The following SPAG16 variants were observed in gnomAD, a reference collection of about 807,000 sequenced individuals.
The protein encoded by SPAG16 is sperm associated antigen 16.
Under a neutral mutation model 80.4 loss-of-function variants are expected in SPAG16, and 86 were observed. That is an observed-to-expected ratio of 1.07 (90% CI 0.90 to 1.28). The LOEUF (loss-of-function observed/expected upper bound fraction) is 1.28, where lower values mean the gene tolerates loss of function less well. Among genes scored for constraint, SPAG16 ranks in the 50% most tolerant of loss-of-function variants. The pLI, the probability that SPAG16 is intolerant of heterozygous loss-of-function variation, is 0.00. For synonymous variants in SPAG16, 294 were observed against 265.9 expected (o/e 1.11, Z -1.03); for missense variants, 870 against 765.3 (o/e 1.14, Z -1.61).
chr2:214,381,381 T>G (rs1372082462), intron 15 of SPAG16, among the ~76,000 whole-genome samples: 1 of 152,194 alleles, frequency 6.6e-6, no homozygotes, highest in Non-Finnish European at 1.5e-5. Context: ...GGGCAAGTTC[T>G]TTCTGCATAG....
At chr2:214,157,182 C>T (rs1223758097) in intron 15 of SPAG16, among the ~76,000 whole-genome samples, 8 of 152,110 alleles carry the variant, frequency 5.3e-5, no homozygotes, top group African/African-American at 1.9e-4. Context: ...ATGAGGTATG[C>T]TATGCTCCAG....
chr2:213,296,069 A>G lies in SPAG16; in HGVS notation c.142A>G (p.Thr48Ala), dbSNP rs770627976. Residue 48 changes from threonine to alanine, a missense_variant, in exon 2 of 16, where the codon ACC becomes GCC. Thr to Ala is a moderately conservative substitution (Grantham distance 58). Coordinates refer to ENST00000331683, the MANE Select transcript of SPAG16 (RefSeq NM_024532.5). ...AEGAYYLEQV[T>A]ITEASEDDYE... ...AAACTTGACAAGATATTCAGAGGTC[A>G]CCATAACTGAAGCATCTGAAGATGA... 13 of 1,609,986 alleles carry G rather than the reference A, an allele frequency of 8.1e-6. No homozygotes were observed. In the South Asian group the frequency reaches 1.3e-4, roughly 16 times the overall value.
rs568042318 is a variant in SPAG16 at position 213,468,487 on chromosome 2, A to ATATC, written c.943-21473_943-21472insCTAT. Among the ~76,000 whole-genome samples the ATATC allele has an allele frequency of 1.9e-3, 203 of 104,496 alleles. 3 individuals carry two copies. Among genetic ancestry groups the ATATC allele is most frequent in the African/African-American group, 9.6e-3 (186 of 19,342 alleles). 68.6% of individuals were successfully genotyped at this position (104,496 alleles called of 152,430 possible). On this transcript the variant is annotated intron_variant, in intron 9 of 15. Transcript: ENST00000331683. ...TCTATGTATTTATATATAGATATAT[A>ATATC]TATGTATTTATATATAGATATATAT...
At chr2:214,298,233 A>C (rs1694300795) in intron 15 of SPAG16, among the ~76,000 whole-genome samples, 1 of 151,724 alleles carries the variant, frequency 6.6e-6, no homozygotes, top group African/African-American at 2.4e-5. Flanking sequence ...CTTAGTTCTC[A>C]GCTTGAATGT....
intron 15 of SPAG16, among the ~76,000 whole-genome samples, chr2:214,199,823 G>A (rs1036380045): frequency 2.6e-5 from 4 of 152,024 alleles, no homozygotes; most frequent in Admixed American, 2.0e-4. Flanking sequence ...CACCTCCTTG[G>A]TTAAGTATAT....
intron 9 of SPAG16, among the ~76,000 whole-genome samples, chr2:213,483,791 T>G (rs1214042827): frequency 1.3e-5 from 2 of 152,212 alleles, no homozygotes; most frequent in African/African-American, 2.4e-5. Context: ...AAATAGGCAC[T>G]TACTTAACTT....
At chr2:213,434,973 G>T (rs929037585) in intron 9 of SPAG16, among the ~76,000 whole-genome samples, 14 of 152,188 alleles carry the variant, frequency 9.2e-5, no homozygotes, top group African/African-American at 3.4e-4. Flanking sequence ...CTACCCAAAA[G>T]AAAAGAAATT....
intron 15 of SPAG16, among the ~76,000 whole-genome samples, chr2:214,345,095 G>T (rs987411790): frequency 1.3e-5 from 2 of 152,032 alleles, no homozygotes; most frequent in African/African-American, 4.8e-5. Flanking sequence ...GAATGAAATA[G>T]GTCAGTAGTC....
intron 10 of SPAG16, among the ~76,000 whole-genome samples, chr2:213,687,358 T>C (rs542645560): frequency 3.6e-4 from 55 of 152,338 alleles, no homozygotes; most frequent in African/African-American, 1.2e-3. Context: ...TAATTCTACT[T>C]GTGATCTTCA....
intron 14 of SPAG16, among the ~76,000 whole-genome samples, chr2:214,118,485 T>C (rs1338328309): frequency 1.3e-5 from 2 of 152,128 alleles, no homozygotes; most frequent in Non-Finnish European, 2.9e-5. Flanking sequence ...GACTCACAGT[T>C]CCACATCGTT....
intron 15 of SPAG16, among the ~76,000 whole-genome samples, chr2:214,309,816 T>C (rs1695159909): frequency 6.6e-6 from 1 of 152,164 alleles, no homozygotes; most frequent in Admixed American, 6.6e-5. Context: ...TGCAAGTGGA[T>C]ACAGGGGTTC....
chr2:213,596,051 A>C (rs2060876100), intron 10 of SPAG16, among the ~76,000 whole-genome samples: 1 of 152,112 alleles, frequency 6.6e-6, no homozygotes, highest in Admixed American at 6.5e-5. Context: ...AATGATTATA[A>C]ATTACCAGCA....
intron 5 of SPAG16, among the ~76,000 whole-genome samples, chr2:213,339,812 G>T (rs2064577410): frequency 6.6e-6 from 1 of 151,916 alleles, no homozygotes; most frequent in Non-Finnish European, 1.5e-5. Context: ...ATTTTGAATT[G>T]TCATGTTTCA....
rs565168832 is a variant in SPAG16 at position 213,744,124 on chromosome 2, G to A, written c.1071-118361G>A. On this transcript the variant is annotated intron_variant, in intron 10 of 15. Coordinates refer to ENST00000331683, the MANE Select transcript of SPAG16 (RefSeq NM_024532.5). ...CTCCCAGAGCACTCCCTATATGAGAGTAGTTTATGGAGGTTGAAGGATGTT... is the reference window on the plus strand; with the variant it reads ...CTCCCAGAGCACTCCCTATATGAGAATAGTTTATGGAGGTTGAAGGATGTT... Among the ~76,000 whole-genome samples, 519 of 152,298 alleles carry A rather than the reference G, an allele frequency of 3.4e-3. 2 individuals carry two copies. The highest frequency in any genetic ancestry group is 4.9e-3 in the Non-Finnish European group (336 of 68,032).
At chr2:213,416,032 G>A (rs1040084539) in intron 9 of SPAG16, among the ~76,000 whole-genome samples, 24 of 152,168 alleles carry the variant, frequency 1.6e-4, no homozygotes, top group Non-Finnish European at 2.6e-4. Flanking sequence ...TGAGATGATG[G>A]GAATCAGTAG....
chr2:213,880,746 C>T (rs545782499), intron 11 of SPAG16, among the ~76,000 whole-genome samples: 9 of 152,214 alleles, frequency 5.9e-5, no homozygotes, highest in South Asian at 2.1e-4. Flanking sequence ...CTTTCCCCAT[C>T]GCATATTTTT....
At chr2:213,543,269 C>A (rs199763285) in intron 10 of SPAG16, among the ~76,000 whole-genome samples, 45 of 151,744 alleles carry the variant, frequency 3.0e-4, no homozygotes, top group African/African-American at 1.0e-3. Context: ...ATATCTTTTG[C>A]CTATTTCTCT....
chr2:213,445,206 A>G (rs1223788367), intron 9 of SPAG16, among the ~76,000 whole-genome samples: 2 of 152,208 alleles, frequency 1.3e-5, no homozygotes, highest in Non-Finnish European at 2.9e-5. Context: ...AACCAAACAA[A>G]ATGAAGAGAC....
intron 10 of SPAG16, among the ~76,000 whole-genome samples, chr2:213,608,295 G>A (rs1451392220): frequency 2.0e-5 from 3 of 152,060 alleles, no homozygotes; most frequent in African/African-American, 7.2e-5. Context: ...TTTAGCATTA[G>A]GTATATCTCC....
Sources: gnomAD v4.1 joint callset for allele counts (sites outside exome capture counted in the v4.1 genomes callset) on GRCh38, gnomAD v4.1.1 for gene constraint, MANE v1.5 for transcripts, NCBI Gene and HGNC (gene_info 2026-07-23, HGNC 2026-07-21) for gene names.